Variants in WDFY4 observed in about 807,000 individuals in gnomAD.
WDFY4 encodes the protein WD repeat- and FYVE domain-containing protein 4.
A neutral mutation model predicts 351.9 loss-of-function variants in WDFY4; 169 were observed. The observed-to-expected ratio is 0.48, with a 90% CI of 0.42 to 0.55. The LOEUF is 0.55. Among genes scored for constraint, WDFY4 ranks in the 20% least tolerant of loss-of-function variants. WDFY4 has a pLI of 0.00. For missense variants in WDFY4, 3,803 were observed against 3,935.6 expected, an observed-to-expected ratio of 0.97 and a Z score of 0.90; for synonymous variants, 1,622 against 1,574.6, an observed-to-expected ratio of 1.03 and a Z score of -0.71.
chr10:48,871,878 A>G (rs992098783), intron 40 of WDFY4, among the ~76,000 whole-genome samples: 2 of 152,230 alleles, frequency 1.3e-5, no homozygotes, highest in Non-Finnish European at 2.9e-5. Context: ...TTGTTTTGAA[A>G]TAGGATTAGC....
intron 13 of WDFY4, among the ~76,000 whole-genome samples, chr10:48,770,651 A>G (rs11598288): frequency 0.15 from 22,605 of 152,238 alleles, 2,071 homozygotes; most frequent in East Asian, 0.36. Flanking sequence ...AGCCTCAGAA[A>G]AAAGGCCTTG....
At chr10:48,767,339 C>T (rs1057285984) in intron 13 of WDFY4, among the ~76,000 whole-genome samples, 2 of 152,214 alleles carry the variant, frequency 1.3e-5, no homozygotes, top group African/African-American at 4.8e-5. Context: ...ACGCCTGCTC[C>T]CTTCCCTTCT....
chr10:48,724,319 C>T (rs1336116562), intron 5 of WDFY4, among the ~76,000 whole-genome samples: 2 of 152,132 alleles, frequency 1.3e-5, no homozygotes, highest in Admixed American at 6.5e-5. Context: ...TGCAGCTGTC[C>T]ATGGTACACA....
intron 47 of WDFY4, among the ~76,000 whole-genome samples, chr10:48,933,780 C>T (rs2133701918): frequency 6.6e-6 from 1 of 152,210 alleles, no homozygotes; most frequent in Non-Finnish European, 1.5e-5. Flanking sequence ...GGGCGTGGTT[C>T]AATTGCACAC....
At chr10:48,946,826 G>A in intron 50 of WDFY4, 34 bp from the exon 51 acceptor site, 1 of 1,494,644 alleles carries the variant, frequency 6.7e-7, no homozygotes, top group Non-Finnish European at 9.1e-7. Context: ...GTGCAGGTAA[G>A]GAAGCAGCCC....
chr10:48,922,757 A>C (rs1168987434), intron 47 of WDFY4, among the ~76,000 whole-genome samples: 5 of 152,190 alleles, frequency 3.3e-5, no homozygotes, highest in Non-Finnish European at 5.9e-5. Context: ...ATGAACCCTA[A>C]AGCATTTTGC....
At chr10:48,725,585 T>C (rs2064242186) in intron 5 of WDFY4, among the ~76,000 whole-genome samples, 1 of 152,264 alleles carries the variant, frequency 6.6e-6, no homozygotes. Context: ...TGACATTTTC[T>C]GGTATTCCCA....
intron 10 of WDFY4, 69 bp from the exon 11 acceptor site, chr10:48,735,811 C>A: frequency 7.2e-7 from 1 of 1,384,354 alleles, no homozygotes. Flanking sequence ...CAAAGCTTTT[C>A]TTTTGATTGA....
intron 39 of WDFY4, among the ~76,000 whole-genome samples, chr10:48,837,262 T>C (rs1458088583): frequency 6.6e-6 from 1 of 151,728 alleles, no homozygotes; most frequent in Admixed American, 6.6e-5. Context: ...TCAAAGCCTG[T>C]GCAGAGGAGA....
chr10:48,740,792 G>C (rs1397915285), intron 11 of WDFY4, among the ~76,000 whole-genome samples: 1 of 152,190 alleles, frequency 6.6e-6, no homozygotes, highest in Non-Finnish European at 1.5e-5. Context: ...TGGCCTTGAT[G>C]CTGGGTTTCT....
chr10:48,975,091 G>A, intron 58 of WDFY4, 50 bp downstream of exon 58: 7 of 1,550,392 alleles, frequency 4.5e-6, no homozygotes, highest in Non-Finnish European at 5.2e-6. Context: ...GCAGTAGCAT[G>A]GGGTACAACA....
intron 47 of WDFY4, among the ~76,000 whole-genome samples, chr10:48,931,116 C>T (rs1457916810): frequency 6.6e-6 from 1 of 151,950 alleles, no homozygotes. Context: ...CACACACACA[C>T]ACACACACAC....
chr10:48,885,116 G>T (rs1047707233), intron 43 of WDFY4, among the ~76,000 whole-genome samples: 1 of 151,710 alleles, frequency 6.6e-6, no homozygotes, highest in Non-Finnish European at 1.5e-5. Flanking sequence ...GTTTCTTAGT[G>T]TATGGGCTTC....
chr10:48,759,769 C>T (rs2065444881), intron 12 of WDFY4, among the ~76,000 whole-genome samples: 1 of 152,228 alleles, frequency 6.6e-6, no homozygotes, highest in Admixed American at 6.5e-5. Flanking sequence ...TGTGAGTTCA[C>T]ACCAGGGGAT....
chr10:48,831,907 G>A (rs572541264), intron 38 of WDFY4, among the ~76,000 whole-genome samples: 3 of 152,286 alleles, frequency 2.0e-5, no homozygotes, highest in African/African-American at 4.8e-5. Flanking sequence ...ATTCATTCAT[G>A]AGCGTAGAAC....
chr10:48,766,366 G>A (rs899731079), intron 13 of WDFY4, among the ~76,000 whole-genome samples: 16 of 152,114 alleles, frequency 1.1e-4, no homozygotes, highest in African/African-American at 3.9e-4. Flanking sequence ...CAAGGCAGGA[G>A]GATTGTTAGA....
intron 31 of WDFY4, among the ~76,000 whole-genome samples, chr10:48,814,682 G>T (rs1221461253): frequency 6.6e-6 from 1 of 152,224 alleles, no homozygotes; most frequent in Non-Finnish European, 1.5e-5. Context: ...AGGCACCAAA[G>T]GCAATTGGAG....
intron 1 of WDFY4, among the ~76,000 whole-genome samples, chr10:48,694,624 G>A (rs1027432314): frequency 1.8e-4 from 27 of 152,250 alleles, no homozygotes; most frequent in Middle Eastern, 3.4e-3. Context: ...GGACCGCTCC[G>A]TGAGACAAGC....
At position 48,774,439 on chromosome 10, in the gene WDFY4, T is replaced by A; in HGVS notation, c.2554-19T>A. ...TGTTCTGCCCTGGAGGGCTCACAGC[T>A]TGCTTTGGTCACTCTTAGCTTTCCG... is the stretch of plus-strand genomic sequence containing the variant. On this transcript the variant is annotated intron_variant, in intron 13 of 61. Transcript: ENST00000325239. 1 of 1,551,538 alleles carries A rather than the reference T, an allele frequency of 6.4e-7. No individual in the cohort carries two copies.
Sources: gnomAD v4.1 joint callset for allele counts (sites outside exome capture counted in the v4.1 genomes callset) on GRCh38, gnomAD v4.1.1 for gene constraint, MANE v1.5 for transcripts, NCBI Gene and HGNC (gene_info 2026-07-23, HGNC 2026-07-21) for gene names.